MARCHF5: variants seen among roughly 807,000 people sequenced by gnomAD.
The protein encoded by MARCHF5 is E3 ubiquitin-protein ligase MARCHF5.
Under a neutral mutation model 36.5 loss-of-function variants are expected in MARCHF5, and 5 were observed. The ratio of observed to expected loss-of-function variants is 0.14; its 90% confidence interval spans 0.07 to 0.29. The LOEUF is 0.29. MARCHF5 is among the 10% of genes least tolerant of loss of function. The pLI is 1.00. For missense variants in MARCHF5, 179 were observed against 336.3 expected, an observed-to-expected ratio of 0.53 and a Z score of 3.66; for synonymous variants, 103 against 109.9, an observed-to-expected ratio of 0.94 and a Z score of 0.39.
intron 3 of MARCHF5, among the ~76,000 whole-genome samples, chr10:92,344,425 AC>A (rs1166448105): frequency 2.0e-5 from 3 of 152,258 alleles, no homozygotes; most frequent in African/African-American, 7.2e-5. Context: ...AAACTATAGT[AC>A]ACATATGTGT....
intron 1 of MARCHF5, among the ~76,000 whole-genome samples, chr10:92,305,510 C>G (rs1409910774): frequency 1.3e-5 from 2 of 152,124 alleles, no homozygotes; most frequent in African/African-American, 2.4e-5. Flanking sequence ...ACCTGATGGG[C>G]TTATTGAAAC....
chr10:92,319,384 C>T (rs1399751171), intron 2 of MARCHF5, among the ~76,000 whole-genome samples: 2 of 151,436 alleles, frequency 1.3e-5, no homozygotes, highest in African/African-American at 2.4e-5. Flanking sequence ...CAAGCTCCGC[C>T]TCCCGGGTTC....
chr10:92,304,908 G>A (rs1843055883), intron 1 of MARCHF5, among the ~76,000 whole-genome samples: 1 of 152,142 alleles, frequency 6.6e-6, no homozygotes, highest in South Asian at 2.1e-4. Context: ...TTTGAACCCA[G>A]ACAATCTGGC....
intron 1 of MARCHF5, among the ~76,000 whole-genome samples, chr10:92,304,886 A>G (rs1843055793): frequency 6.6e-6 from 1 of 152,196 alleles, no homozygotes; most frequent in Non-Finnish European, 1.5e-5. Context: ...AAACCTATGT[A>G]GTTAGCAGGG....
At chr10:92,299,085 G>A (rs1842981825) in intron 1 of MARCHF5, among the ~76,000 whole-genome samples, 1 of 152,038 alleles carries the variant, frequency 6.6e-6, no homozygotes, top group Non-Finnish European at 1.5e-5. Context: ...GCCTCCCAAA[G>A]TGTTAGGACT....
In MARCHF5 at chr10:92,302,431, CTTTT is replaced by C. The variant is rs1168267807; in HGVS notation, c.36-8701_36-8698del. 8.7e-3 allele frequency among the ~76,000 whole-genome samples: 1,138 copies of C among 131,336 alleles called. 14 individuals carry two copies. The highest frequency in any genetic ancestry group is 0.029 in the South Asian group (112 of 3,912). 86.2% of individuals were successfully genotyped at this position (131,336 alleles called of 152,430 possible). ...GACAAAATAAGCAACACGTAGTTTT[CTTTT>C]TTCTTTTTTTTTCTTTTTTTTTTTT... On this transcript the variant is annotated intron_variant, in intron 1 of 5. Coordinates refer to ENST00000358935, the MANE Select transcript of MARCHF5 (RefSeq NM_017824.5).
At chr10:92,339,155 A>G (rs1178683499) in intron 2 of MARCHF5, among the ~76,000 whole-genome samples, 2 of 152,168 alleles carry the variant, frequency 1.3e-5, no homozygotes, top group Non-Finnish European at 2.9e-5. Context: ...GGATCACCTG[A>G]GGTCGGGAGC....
chr10:92,327,800 G>A lies in MARCHF5; in HGVS notation c.239-12873G>A, dbSNP rs185858972. 5.3e-5 allele frequency among the ~76,000 whole-genome samples: 8 copies of A among 151,908 alleles called. No individual in the cohort carries two copies. The East Asian group carries it at 1.5e-3, about 29-fold the overall frequency. On this transcript the variant is annotated intron_variant, in intron 2 of 5. Transcript: ENST00000358935. ...TTCATTTGTGGAAAAGGAATATATC[G>A]CAGTTTCATGTGAGAAGAGATAAAC...
intron 3 of MARCHF5, 25 bp downstream of exon 3, chr10:92,340,828 A>G: frequency 6.4e-7 from 1 of 1,556,502 alleles, no homozygotes; most frequent in Non-Finnish European, 8.7e-7. Context: ...CTATATAGTG[A>G]TATTACTTGG....
At chr10:92,343,872 T>C (rs1843609604) in intron 3 of MARCHF5, among the ~76,000 whole-genome samples, 1 of 152,194 alleles carries the variant, frequency 6.6e-6, no homozygotes, top group Admixed American at 6.5e-5. Flanking sequence ...CCCGGCAGTC[T>C]TTATGTTTTT....
intron 2 of MARCHF5, among the ~76,000 whole-genome samples, chr10:92,323,904 TG>T (rs1036037944): frequency 7.9e-5 from 12 of 152,362 alleles, no homozygotes; most frequent in Admixed American, 5.9e-4. Context: ...TTCAACTCAT[TG>T]GGGTAAATAC....
At chr10:92,332,013 T>C (rs1843442803) in intron 2 of MARCHF5, among the ~76,000 whole-genome samples, 1 of 148,278 alleles carries the variant, frequency 6.7e-6, no homozygotes, top group Non-Finnish European at 1.5e-5. Context: ...TGACCTGAAG[T>C]CTTTTATTCT....
At chr10:92,323,267 C>T (rs1416515402) in intron 2 of MARCHF5, among the ~76,000 whole-genome samples, 2 of 152,080 alleles carry the variant, frequency 1.3e-5, no homozygotes, top group Admixed American at 1.3e-4. Context: ...TCACAGTAAA[C>T]CATATGCCAG....
At chr10:92,308,581 ACTGAAAGCCTAACTC>A (rs1360934329) in intron 1 of MARCHF5, 3 of 152,102 alleles carry the variant, frequency 2.0e-5, no homozygotes, top group African/African-American at 7.2e-5. Context: ...TGCTATTTCA[ACTGAAAGCCTAACTC>A]CTGATAAGTA....
intron 2 of MARCHF5, among the ~76,000 whole-genome samples, chr10:92,338,239 T>C (rs1358197348): frequency 6.6e-6 from 1 of 152,174 alleles, no homozygotes; most frequent in Non-Finnish European, 1.5e-5. Flanking sequence ...GCTGAGGTTT[T>C]ATATATACTT....
At chr10:92,312,923 T>G (rs1201636911) in intron 2 of MARCHF5, among the ~76,000 whole-genome samples, 3 of 152,248 alleles carry the variant, frequency 2.0e-5, no homozygotes, top group Admixed American at 6.5e-5. Flanking sequence ...TGGTTTTAAG[T>G]CTACCTAGTT....
intron 1 of MARCHF5, among the ~76,000 whole-genome samples, chr10:92,292,016 C>G (rs969711107): frequency 1.3e-4 from 20 of 151,342 alleles, no homozygotes; most frequent in African/African-American, 4.9e-4. Flanking sequence ...GAACCCGCAC[C>G]CCCCGTCCCC....
chr10:92,307,175 C>CTGTGTGTGTG (rs376178460), intron 1 of MARCHF5, among the ~76,000 whole-genome samples: 3,293 of 121,752 alleles, frequency 0.027, 116 homozygotes, highest in African/African-American at 0.091. Context: ...AAGAAAACAT[C>CTGTGTGTGTG]TGTGTGTGTG....
At chr10:92,313,796 G>A (rs1489957339) in intron 2 of MARCHF5, among the ~76,000 whole-genome samples, 1 of 152,184 alleles carries the variant, frequency 6.6e-6, no homozygotes, top group Non-Finnish European at 1.5e-5. Context: ...AGGAGGCTGA[G>A]GTGGGAGGAT....
Sources: allele counts gnomAD v4.1 joint callset (sites outside exome capture counted in the v4.1 genomes callset), GRCh38; gene constraint gnomAD v4.1.1; transcripts MANE v1.5; gene names NCBI Gene and HGNC (gene_info 2026-07-23, HGNC 2026-07-21).